The following VPS41 variants were observed in gnomAD, a reference collection of about 807,000 sequenced individuals.
The protein encoded by VPS41 is vacuolar protein sorting-associated protein 41 homolog.
In VPS41, 85 loss-of-function variants were observed where a neutral mutation model predicts 130.9. The observed-to-expected ratio is 0.65, with a 90% CI of 0.55 to 0.78. The LOEUF is 0.78. Ranked by LOEUF, VPS41 falls within the 30% of genes least tolerant of loss-of-function variation. The probability of loss-of-function intolerance (pLI) is 0.00; values close to 1 mark genes in which losing one functional copy is unlikely to be tolerated. For synonymous variants in VPS41, 335 were observed against 332.9 expected (o/e 1.01, Z -0.07); for missense variants, 874 against 1,018.7 (o/e 0.86, Z 1.93).
intron 23 of VPS41, among the ~76,000 whole-genome samples, chr7:38,744,930 A>C (rs909675465): frequency 1.3e-5 from 2 of 152,232 alleles, no homozygotes; most frequent in Admixed American, 1.3e-4. Flanking sequence ...GACAATGGAG[A>C]AACACCAAAT....
intron 4 of VPS41, among the ~76,000 whole-genome samples, chr7:38,857,187 G>A (rs897345704): frequency 1.3e-4 from 20 of 152,216 alleles, no homozygotes; most frequent in Non-Finnish European, 7.3e-5. Flanking sequence ...CTGACAAGGA[G>A]AATCATCAAC....
chr7:38,889,182 T>A (rs1217231023), intron 2 of VPS41, among the ~76,000 whole-genome samples: 1 of 138,182 alleles, frequency 7.2e-6, no homozygotes, highest in African/African-American at 3.0e-5. Context: ...GTTATTACAG[T>A]TCCACAGGGA....
In VPS41 at chr7:38,776,655, T is replaced by C. The variant is rs1408697283; in HGVS notation, c.882+24A>G. ...CTAAAAGTGAACCCCCACATGCCTT[T>C]GTATCTGGGGAGAAAATAATTACCG... On this transcript the variant is annotated intron_variant, in intron 11 of 28. Coordinates refer to ENST00000310301, the MANE Select transcript of VPS41 (RefSeq NM_014396.4). 2.9e-6 allele frequency: 4 copies of C among 1,388,232 alleles called. No individual in the cohort carries two copies. The Admixed American group carries it at 6.7e-5, about 23-fold the overall frequency. The allele number at this position is 1,388,232 out of a possible 1,614,324, so 86.0% of individuals were successfully genotyped here.
chr7:38,772,746 G>A (rs1314833247), intron 12 of VPS41, 109 bp from the exon 13 acceptor site: 31 of 636,920 alleles, frequency 4.9e-5, no homozygotes, highest in Non-Finnish European at 8.0e-5. Flanking sequence ...AACAGAAAAT[G>A]TGTCTATCTT....
chr7:38,771,167 T>A, intron 14 of VPS41, 31 bp downstream of exon 14: 1 of 1,466,404 alleles, frequency 6.8e-7, no homozygotes, highest in Non-Finnish European at 9.5e-7. Context: ...AAAGATAAAA[T>A]TATGTTTCAA....
chr7:38,756,380 C>T (rs1210564554), intron 19 of VPS41, among the ~76,000 whole-genome samples: 2 of 152,116 alleles, frequency 1.3e-5, no homozygotes, highest in Admixed American at 1.3e-4. Flanking sequence ...TGGACATGAG[C>T]ATCACCTCAA....
chr7:38,791,322 T>G (rs1784531403), intron 9 of VPS41, among the ~76,000 whole-genome samples: 2 of 152,224 alleles, frequency 1.3e-5, no homozygotes. Context: ...TGTGCTGATA[T>G]AAGTACATGA....
chr7:38,883,104 A>C (rs767236064), intron 2 of VPS41, among the ~76,000 whole-genome samples: 1 of 152,126 alleles, frequency 6.6e-6, no homozygotes, highest in Admixed American at 6.5e-5. Flanking sequence ...TTAGCTAGGC[A>C]TGGTGGCATG....
chr7:38,860,459 T>C (rs1004207454), intron 4 of VPS41, among the ~76,000 whole-genome samples: 28 of 152,124 alleles, frequency 1.8e-4, no homozygotes, highest in Admixed American at 3.3e-4. Context: ...CAAACCATTA[T>C]TTGAACTCTA....
At chr7:38,770,237 C>G (rs1784129260) in intron 14 of VPS41, among the ~76,000 whole-genome samples, 1 of 151,182 alleles carries the variant, frequency 6.6e-6, no homozygotes, top group East Asian at 1.9e-4. Flanking sequence ...CCATTGCACT[C>G]CAGCCTGGGC....
chr7:38,809,022 C>T (rs536548747), intron 7 of VPS41, among the ~76,000 whole-genome samples: 1 of 152,066 alleles, frequency 6.6e-6, no homozygotes, highest in Non-Finnish European at 1.5e-5. Flanking sequence ...TTAATAATGC[C>T]ATATTAAATA....
intron 7 of VPS41, among the ~76,000 whole-genome samples, chr7:38,797,448 A>C (rs1784643389): frequency 6.6e-6 from 1 of 152,216 alleles, no homozygotes; most frequent in Non-Finnish European, 1.5e-5. Flanking sequence ...TCATTCAAAA[A>C]ACCTGCTGGA....
chr7:38,761,069 G>T (rs760411500), intron 17 of VPS41, among the ~76,000 whole-genome samples: 1 of 151,990 alleles, frequency 6.6e-6, no homozygotes, highest in Non-Finnish European at 1.5e-5. Context: ...AGAAATTTGG[G>T]AATGGATTCA....
At chr7:38,864,845 A>G (rs918738416) in intron 3 of VPS41, among the ~76,000 whole-genome samples, 2 of 152,034 alleles carry the variant, frequency 1.3e-5, no homozygotes, top group Admixed American at 1.3e-4. Context: ...TTCATGTTTA[A>G]TTACAGAAAC....
chr7:38,795,714 AT>A (rs1478605934), intron 8 of VPS41, 103 bp from the exon 9 acceptor site: 11 of 1,070,072 alleles, frequency 1.0e-5, no homozygotes, highest in Middle Eastern at 2.2e-4. Context: ...GCACGGAGAA[AT>A]ATTAGCAGTG....
At chr7:38,837,039 G>C (rs572389193) in intron 4 of VPS41, among the ~76,000 whole-genome samples, 4 of 152,230 alleles carry the variant, frequency 2.6e-5, no homozygotes, top group Non-Finnish European at 5.9e-5. Flanking sequence ...TAAAAGCAAA[G>C]CATCTAAATG....
At chr7:38,760,903 T>G (rs1455884547) in intron 17 of VPS41, among the ~76,000 whole-genome samples, 1 of 152,122 alleles carries the variant, frequency 6.6e-6, no homozygotes. Flanking sequence ...GTAAGAAAAG[T>G]GCAAAAGAAT....
rs77111302 is a variant in VPS41, at chr7:38,725,999, A to C, written c.*247T>G. 5.9e-3 allele frequency: 2,604 copies of C among 443,718 alleles called. 61 individuals carry two copies. Among genetic ancestry groups the C allele is most frequent in the African/African-American group, 0.044 (2,244 of 50,644 alleles). 27.5% of individuals were successfully genotyped at this position (443,718 alleles called of 1,614,324 possible). A position where few individuals can be genotyped will look rare whatever the true frequency, so the allele number is the denominator to read the frequency against. On this transcript the variant is annotated 3_prime_UTR_variant, in exon 29 of 29. Transcript: ENST00000310301. ...TGTTTCCATTACTATATAAAGAATGAGCCAAACAAATAAATAACAAAATAT... is the reference window on the plus strand; with the variant it reads ...TGTTTCCATTACTATATAAAGAATGCGCCAAACAAATAAATAACAAAATAT...
At chr7:38,894,891 T>C (rs1420564404) in intron 2 of VPS41, among the ~76,000 whole-genome samples, 2 of 152,182 alleles carry the variant, frequency 1.3e-5, no homozygotes, top group Non-Finnish European at 2.9e-5. Flanking sequence ...TCAAGCCACA[T>C]TTGGGTCTCA....
Sources: gnomAD v4.1 joint callset for allele counts (sites outside exome capture counted in the v4.1 genomes callset) on GRCh38, gnomAD v4.1.1 for gene constraint, MANE v1.5 for transcripts, NCBI Gene and HGNC (gene_info 2026-07-23, HGNC 2026-07-21) for gene names.